Variants in DOCK3 observed in about 807,000 individuals in gnomAD.
DOCK3 encodes dedicator of cytokinesis 3, also known as dedicator of cytokinesis protein 3.
DOCK3 carries 60 observed loss-of-function variants against 265.6 expected under a neutral mutation model. The ratio of observed to expected loss-of-function variants is 0.23; its 90% CI spans 0.18 to 0.28. The LOEUF is 0.28. Ranked by LOEUF, DOCK3 falls within the 10% of genes least tolerant of loss-of-function variation. The pLI, the probability that DOCK3 is intolerant of heterozygous loss-of-function variation, is 1.00. For synonymous variants in DOCK3, 881 were observed against 938.0 expected (o/e 0.94, Z 1.11); for missense variants, 1,981 against 2,594.3 (o/e 0.76, Z 5.14).
At chr3:51,052,999 G>A (rs2081048994) in intron 5 of DOCK3, among the ~76,000 whole-genome samples, 3 of 148,066 alleles carry the variant, frequency 2.0e-5, no homozygotes, top group African/African-American at 5.0e-5. Context: ...GTGACCCATA[G>A]CAACCCAGTT....
chr3:51,064,289 G>A (rs1012803042), intron 5 of DOCK3, among the ~76,000 whole-genome samples, 159 bp from the exon 6 acceptor site: 4 of 152,184 alleles, frequency 2.6e-5, no homozygotes, highest in African/African-American at 7.2e-5. Context: ...TGGATAGAAG[G>A]AGGTAATGAC....
At chr3:50,954,026 A>G (rs1262810424) in intron 5 of DOCK3, among the ~76,000 whole-genome samples, 1 of 152,082 alleles carries the variant, frequency 6.6e-6, no homozygotes, top group Non-Finnish European at 1.5e-5. Context: ...CACCATTGTT[A>G]TGCAACCCCC....
At chr3:51,199,784 C>T (rs1406712635) in intron 12 of DOCK3, among the ~76,000 whole-genome samples, 3 of 152,202 alleles carry the variant, frequency 2.0e-5, no homozygotes, top group Non-Finnish European at 2.9e-5. Flanking sequence ...AGGCACCCCC[C>T]AGTAGGGGCA....
At position 51,383,241 on chromosome 3, in the gene DOCK3, G is replaced by C. The variant is rs1193120366; in HGVS notation, c.*1682G>C. On this transcript the variant is annotated 3_prime_UTR_variant, in exon 53 of 53. Transcript: ENST00000266037. The stretch of plus-strand genomic sequence containing the variant: ...AGATGGAGGTCTAAATTACCTCCAG[G>C]GTTTTTCTGGGGGTTTATCACCAGT... 1 of 152,466 alleles carries C rather than the reference G, an allele frequency of 6.6e-6. No homozygotes were observed. Among genetic ancestry groups the C allele is most frequent in the Admixed American group, 6.5e-5 (1 of 15,282 alleles). 9.4% of individuals were successfully genotyped at this position (152,466 alleles called of 1,614,324 possible).
At chr3:50,955,365 C>T (rs1404208644) in intron 5 of DOCK3, among the ~76,000 whole-genome samples, 3 of 152,090 alleles carry the variant, frequency 2.0e-5, no homozygotes, top group African/African-American at 4.8e-5. Context: ...AGTTTTTCTG[C>T]CATAAAGACA....
chr3:50,797,174 G>C (rs1402331024), intron 2 of DOCK3, among the ~76,000 whole-genome samples: 1 of 152,220 alleles, frequency 6.6e-6, no homozygotes, highest in Non-Finnish European at 1.5e-5. Context: ...ATTCACCACA[G>C]TGGAAGAGGC....
chr3:50,991,412 C>A (rs1453223428), intron 5 of DOCK3, among the ~76,000 whole-genome samples: 1 of 152,066 alleles, frequency 6.6e-6, no homozygotes, highest in Non-Finnish European at 1.5e-5. Flanking sequence ...ATTCACCAAG[C>A]AAATAGAAAA....
chr3:51,309,291 A>G (rs896669861), intron 27 of DOCK3, among the ~76,000 whole-genome samples: 1 of 152,206 alleles, frequency 6.6e-6, no homozygotes, highest in African/African-American at 2.4e-5. Flanking sequence ...CAGCCTGGGC[A>G]CCATTGAGCA....
At chr3:51,083,692 A>T (rs956677136) in intron 7 of DOCK3, among the ~76,000 whole-genome samples, 1 of 152,208 alleles carries the variant, frequency 6.6e-6, no homozygotes, top group Non-Finnish European at 1.5e-5. Context: ...AGCAAAAGAA[A>T]GACTTTCTGG....
chr3:51,147,630 G>A (rs927710548), intron 10 of DOCK3, among the ~76,000 whole-genome samples: 2 of 152,070 alleles, frequency 1.3e-5, no homozygotes, highest in Admixed American at 6.5e-5. Context: ...TTAGAGTGAT[G>A]GTTTCCAGCT....
intron 5 of DOCK3, among the ~76,000 whole-genome samples, chr3:51,012,251 A>G (rs577898275): frequency 1.9e-3 from 286 of 152,262 alleles, no homozygotes; most frequent in African/African-American, 6.6e-3. Context: ...ACAGAGGTGG[A>G]GTCTACAGAG....
chr3:51,061,866 G>C (rs919940619), intron 5 of DOCK3, among the ~76,000 whole-genome samples: 9 of 152,036 alleles, frequency 5.9e-5, no homozygotes, highest in Non-Finnish European at 1.3e-4. Context: ...GGAAATCAGT[G>C]TCAGACTTAG....
At chr3:50,902,738 T>G (rs2049266379) in intron 4 of DOCK3, among the ~76,000 whole-genome samples, 1 of 152,242 alleles carries the variant, frequency 6.6e-6, no homozygotes, top group Admixed American at 6.5e-5. Flanking sequence ...TTTATGGGAA[T>G]AGAACTGAAT....
chr3:51,239,574 G>GTTTTTTTTTTTTTTTTTT (rs1560265802), intron 21 of DOCK3, among the ~76,000 whole-genome samples: 1 of 146,634 alleles, frequency 6.8e-6, no homozygotes, highest in Non-Finnish European at 1.5e-5. Flanking sequence ...TTGTTTGTTT[G>GTTTTTTTTTTTTTTTTTT]TTTTTTGTTT....
intron 2 of DOCK3, among the ~76,000 whole-genome samples, chr3:50,840,973 CTCT>C (rs1014967634): frequency 3.3e-5 from 5 of 152,160 alleles, no homozygotes. Context: ...CATCAGCAAT[CTCT>C]TCTTTATCTT....
intron 12 of DOCK3, among the ~76,000 whole-genome samples, chr3:51,184,953 ACTTCTAAT>A (rs1192625894): frequency 6.6e-6 from 1 of 152,172 alleles, no homozygotes; most frequent in East Asian, 1.9e-4. Flanking sequence ...AAAACACATT[ACTTCTAAT>A]CATGGAAAAA....
At chr3:51,330,806 G>C (rs2084467671) in intron 33 of DOCK3, among the ~76,000 whole-genome samples, 1 of 152,104 alleles carries the variant, frequency 6.6e-6, no homozygotes, top group South Asian at 2.1e-4. Flanking sequence ...GAGACCCAGG[G>C]GAACTATGGC....
intron 27 of DOCK3, among the ~76,000 whole-genome samples, chr3:51,297,117 CAA>C (rs71633066): frequency 1.0e-3 from 69 of 65,908 alleles, no homozygotes; most frequent in African/African-American, 4.5e-3. Context: ...GACTCTGTCT[CAA>C]AAAAAAAAAA....
intron 3 of DOCK3, chr3:50,877,563 C>T (rs2047768766): frequency 1.9e-5 from 10 of 519,392 alleles, no homozygotes; most frequent in South Asian, 1.3e-4. Context: ...ACAGAATGGT[C>T]AAGCGAGGAT....
Sources: gnomAD v4.1 joint callset for allele counts (sites outside exome capture counted in the v4.1 genomes callset) on GRCh38, gnomAD v4.1.1 for gene constraint, MANE v1.5 for transcripts, NCBI Gene and HGNC (gene_info 2026-07-23, HGNC 2026-07-21) for gene names.